GPBP1: variants seen among roughly 807,000 people sequenced by gnomAD.
The protein encoded by GPBP1 is vasculin.
A neutral mutation model predicts 56.5 loss-of-function variants in GPBP1; 13 were observed. That is an observed-to-expected ratio of 0.23 (90% CI 0.15 to 0.37). The LOEUF (loss-of-function observed/expected upper bound fraction) is 0.37. GPBP1 is among the 10% of genes least tolerant of loss of function. GPBP1 has a pLI of 1.00. For missense variants in GPBP1, 477 were observed against 572.3 expected (o/e 0.83, Z 1.70); for synonymous variants, 204 against 188.9 (o/e 1.08, Z -0.66).
At chr5:57,202,362 C>G (rs763558748) in intron 2 of GPBP1, among the ~76,000 whole-genome samples, 1 of 152,116 alleles carries the variant, frequency 6.6e-6, no homozygotes, top group Admixed American at 6.6e-5. Flanking sequence ...GATCTTGGCT[C>G]GCTGCAAGCT....
intron 3 of GPBP1, chr5:57,221,452 A>T: frequency 9.4e-7 from 1 of 1,066,914 alleles, no homozygotes; most frequent in Non-Finnish European, 1.4e-6. Flanking sequence ...ATAACTAGCA[A>T]ATTCCATTTG....
chr5:57,239,316 GA>G (rs773740995), intron 6 of GPBP1, among the ~76,000 whole-genome samples: 5 of 152,130 alleles, frequency 3.3e-5, no homozygotes, highest in Non-Finnish European at 5.9e-5. Context: ...TGATATTTGT[GA>G]AATGCATTTC....
chr5:57,235,866 G>C (rs1178330888), intron 5 of GPBP1, 100 bp from the exon 6 acceptor site: 3 of 840,084 alleles, frequency 3.6e-6, no homozygotes, highest in South Asian at 1.4e-5. Context: ...GCTAAGAGTT[G>C]GTCATATTTG....
At chr5:57,234,300 C>T (rs1032027495) in intron 5 of GPBP1, among the ~76,000 whole-genome samples, 41 of 152,110 alleles carry the variant, frequency 2.7e-4, no homozygotes, top group Admixed American at 1.5e-3. Context: ...GGAGGATAAA[C>T]GCATCTACCA....
chr5:57,181,975 G>A (rs559200268), intron 2 of GPBP1, among the ~76,000 whole-genome samples: 1 of 152,198 alleles, frequency 6.6e-6, no homozygotes, highest in African/African-American at 2.4e-5. Flanking sequence ...GCTAGTTTCT[G>A]CATCTTTTTA....
chr5:57,245,150 G>GC (rs1346075095), intron 6 of GPBP1, among the ~76,000 whole-genome samples: 1 of 152,096 alleles, frequency 6.6e-6, no homozygotes, highest in East Asian at 1.9e-4. Flanking sequence ...GTCTTTTTTA[G>GC]CCCTTTATAT....
chr5:57,189,022 C>T (rs1203405008), intron 2 of GPBP1, among the ~76,000 whole-genome samples: 2 of 152,174 alleles, frequency 1.3e-5, no homozygotes, highest in East Asian at 3.8e-4. Flanking sequence ...GACGAAGTTT[C>T]ACTCTTGTTG....
At chr5:57,229,196 A>C (rs1580047607) in intron 3 of GPBP1, among the ~76,000 whole-genome samples, 1 of 134,008 alleles carries the variant, frequency 7.5e-6, no homozygotes, top group Admixed American at 8.2e-5. Flanking sequence ...GTGCCACTGC[A>C]CCCCAGCCTG....
intron 10 of GPBP1, among the ~76,000 whole-genome samples, chr5:57,260,803 C>T (rs1222989078): frequency 1.3e-5 from 2 of 151,858 alleles, no homozygotes; most frequent in Non-Finnish European, 2.9e-5. Flanking sequence ...CATGACTGCC[C>T]AAGTAGAAAA....
chr5:57,261,635 A>G lies in GPBP1; in HGVS notation c.1263+353A>G, dbSNP rs553282775. The stretch of plus-strand genomic sequence containing the variant: ...TGTAAGTGATGTCTATGGATTAGTC[A>G]TTTTCCAGACCTTTTTTGTTTTGTT... On this transcript the variant is annotated intron_variant, in intron 11 of 11. Transcript: ENST00000506184. 7.2e-5 allele frequency among the ~76,000 whole-genome samples: 11 copies of G among 152,238 alleles called. No homozygotes were observed. In the South Asian group the frequency reaches 2.3e-3, roughly 32 times the overall value.
intron 6 of GPBP1, among the ~76,000 whole-genome samples, chr5:57,238,285 G>A (rs890333234): frequency 1.3e-5 from 2 of 152,126 alleles, no homozygotes; most frequent in African/African-American, 4.8e-5. Flanking sequence ...AATTAGTGGC[G>A]ACCAGGCATG....
intron 6 of GPBP1, among the ~76,000 whole-genome samples, chr5:57,242,190 C>A (rs974011598): frequency 6.6e-6 from 1 of 151,820 alleles, no homozygotes; most frequent in Non-Finnish European, 1.5e-5. Flanking sequence ...TTCTTTTTTC[C>A]CTCTGATATC....
At chr5:57,191,750 C>T (rs932693248) in intron 2 of GPBP1, among the ~76,000 whole-genome samples, 16 of 151,926 alleles carry the variant, frequency 1.1e-4, no homozygotes, top group African/African-American at 2.9e-4. Context: ...TTAGTAGAGA[C>T]GAGGTTTCAC....
rs6898078 is a variant in GPBP1 at position 57,251,690 on chromosome 5, G to A, written c.1160+549G>A. ...CTTGTGTGGATATGTTTTTATTTCT[G>A]TTGGATAGATACCTAGGAGTTGAAT... On this transcript the variant is annotated intron_variant, in intron 10 of 11. Transcript: ENST00000506184. Among the ~76,000 whole-genome samples the A allele has an allele frequency of 6.9e-3, 1,036 of 149,858 alleles. 10 individuals carry two copies. Among genetic ancestry groups the A allele is most frequent in the African/African-American group, 0.024 (982 of 40,742 alleles).
Position 57,236,869 on chromosome 5 carries a change from TTGTG to T in GPBP1, c.478+838_478+841del, listed in dbSNP as rs752354947. ...AAATCAACTCACTAAAACAAAAGGA[TTGTG>T]GCTTTTGACAGCATACTAGTCCTAA... On this transcript the variant is annotated intron_variant, in intron 6 of 11. Transcript: ENST00000506184. 5.1e-3 allele frequency among the ~76,000 whole-genome samples: 772 copies of T among 152,254 alleles called. 2 individuals carry two copies. The highest frequency in any genetic ancestry group is 9.4e-3 in the Non-Finnish European group (639 of 68,000).
chr5:57,262,191 A>G (rs1741924245), intron 11 of GPBP1, among the ~76,000 whole-genome samples: 1 of 152,178 alleles, frequency 6.6e-6, no homozygotes, highest in Non-Finnish European at 1.5e-5. Context: ...TTTTTCTAGT[A>G]TCTTCATCTC....
intron 3 of GPBP1, among the ~76,000 whole-genome samples, chr5:57,227,633 C>T (rs867087808): frequency 1.3e-5 from 2 of 152,232 alleles, no homozygotes; most frequent in Non-Finnish European, 2.9e-5. Context: ...TTGCCAAACT[C>T]AGTGCAAGGG....
chr5:57,259,836 C>G (rs1741812874), intron 10 of GPBP1, among the ~76,000 whole-genome samples: 1 of 151,632 alleles, frequency 6.6e-6, no homozygotes, highest in Admixed American at 6.6e-5. Context: ...AGCTTTCCTT[C>G]TCAAAACACT....
chr5:57,211,887 A>G (rs1192194858), intron 2 of GPBP1, among the ~76,000 whole-genome samples: 2 of 151,734 alleles, frequency 1.3e-5, no homozygotes, highest in Non-Finnish European at 2.9e-5. Context: ...GTAACTTTTT[A>G]CCATTTTGTA....
Sources: gnomAD v4.1 joint callset for allele counts (sites outside exome capture counted in the v4.1 genomes callset) on GRCh38, gnomAD v4.1.1 for gene constraint, MANE v1.5 for transcripts, NCBI Gene and HGNC (gene_info 2026-07-23, HGNC 2026-07-21) for gene names.